Variants in STXBP3 observed in about 807,000 individuals in gnomAD.
STXBP3 encodes syntaxin-binding protein 3.
Under a neutral mutation model 85.7 loss-of-function variants are expected in STXBP3, and 41 were observed. The observed-to-expected ratio is 0.48, with a 90% CI of 0.37 to 0.62. STXBP3 has a LOEUF of 0.62. STXBP3 is among the 20% of genes least tolerant of loss of function. STXBP3 has a pLI of 0.00. For synonymous variants in STXBP3, 229 were observed against 231.7 expected, an observed-to-expected ratio of 0.99 and a Z score of 0.10; for missense variants, 563 against 703.1, an observed-to-expected ratio of 0.80 and a Z score of 2.25.
intron 1 of STXBP3, among the ~76,000 whole-genome samples, chr1:108,747,110 G>GCCGCGCACCCCACTCCTCCGCTCCCGT (rs1661803619): frequency 6.8e-6 from 1 of 147,394 alleles, no homozygotes; most frequent in Non-Finnish European, 1.5e-5. Context: ...CGTGCCCTCG[G>GCCGCGCACCCCACTCCTCCGCTCCCGT]CCGCGCTCCC....
intron 18 of STXBP3, among the ~76,000 whole-genome samples, 153 bp from the exon 19 acceptor site, chr1:108,808,630 C>T (rs1321985396): frequency 6.6e-6 from 1 of 152,206 alleles, no homozygotes; most frequent in Non-Finnish European, 1.5e-5. Flanking sequence ...AATATTGCAG[C>T]ATAGGCAGAT....
chr1:108,797,683 C>T (rs1663137255), intron 15 of STXBP3, among the ~76,000 whole-genome samples: 1 of 151,940 alleles, frequency 6.6e-6, no homozygotes, highest in Admixed American at 6.6e-5. Context: ...TCTGGGATTA[C>T]AGGTGTGAGC....
intron 16 of STXBP3, 135 bp downstream of exon 16, chr1:108,798,372 G>C (rs964247645): frequency 3.1e-5 from 12 of 385,366 alleles, no homozygotes; most frequent in Non-Finnish European, 5.1e-5. Flanking sequence ...TCACAAAAAA[G>C]CCTGTATCTG....
intron 11 of STXBP3, among the ~76,000 whole-genome samples, chr1:108,784,777 A>G (rs151163086): frequency 2.4e-4 from 37 of 152,346 alleles, no homozygotes; most frequent in African/African-American, 8.2e-4. Flanking sequence ...CCTAGATACA[A>G]TGGAGGTACA....
At chr1:108,754,391 A>G (rs142543463) in intron 3 of STXBP3, among the ~76,000 whole-genome samples, 4 of 152,294 alleles carry the variant, frequency 2.6e-5, no homozygotes, top group South Asian at 4.1e-4. Flanking sequence ...CTGACCCTCA[A>G]TGTAAAAAGC....
chr1:108,781,112 T>G (rs535558645), intron 9 of STXBP3: 1 of 152,188 alleles, frequency 6.6e-6, no homozygotes, highest in African/African-American at 2.4e-5. Context: ...AGATCACTTA[T>G]AAGTCAAAGG....
At position 108,772,711 on chromosome 1, in the gene STXBP3, C is replaced by T; in HGVS notation, c.485C>T (p.Pro162Leu). 1 of 1,600,492 alleles carries T rather than the reference C, an allele frequency of 6.2e-7. No individual in the cohort carries two copies. The highest frequency in any genetic ancestry group is 8.5e-7 in the Non-Finnish European group (1 of 1,173,016). ...VPDAFYYCYS[P>L]DPGNAKGKDA... ...GATGCATTCTATTACTGTTATAGTC[C>T]AGACCCTGGTAATGCAAAGGGAAAA... The change falls in exon 7 of 19, where the codon CCA (proline) becomes CTA (leucine). Residue 162 changes from proline to leucine, a missense_variant. Coordinates refer to ENST00000370008, the MANE Select transcript of STXBP3 (RefSeq NM_007269.4).
In STXBP3 at chr1:108,771,796, A is replaced by C. The variant is rs1293628151; in HGVS notation, c.439-869A>C. On this transcript the variant is annotated intron_variant, in intron 6 of 18. Transcript: ENST00000370008. ...ATATATAAATATATGATATCTATCT[A>C]TATATATCATATATAAATATATGAT... is the stretch of plus-strand genomic sequence containing the variant. Among the ~76,000 whole-genome samples, 2 of 29,136 alleles carry C rather than the reference A, an allele frequency of 6.9e-5. 1 individual carries two copies. The highest frequency in any genetic ancestry group is 1.5e-4 in the Non-Finnish European group (2 of 13,146). 19.1% of individuals were successfully genotyped at this position (29,136 alleles called of 152,430 possible).
chr1:108,802,989 T>C (rs910919673), intron 17 of STXBP3, among the ~76,000 whole-genome samples: 1 of 152,226 alleles, frequency 6.6e-6, no homozygotes, highest in African/African-American at 2.4e-5. Flanking sequence ...TTCCACATGA[T>C]AGAAATTTAG....
intron 1 of STXBP3, among the ~76,000 whole-genome samples, chr1:108,747,122 A>ACTCTTCTCCGCTCCCGTCCGCGCTCCCCT (rs1661805695): frequency 6.6e-6 from 1 of 150,954 alleles, no homozygotes; most frequent in Admixed American, 6.6e-5. Flanking sequence ...CGCGCTCCCC[A>ACTCTTCTCCGCTCCCGTCCGCGCTCCCCT]CTCTTCTCCG....
chr1:108,801,994 G>A (rs1213553270), intron 17 of STXBP3, among the ~76,000 whole-genome samples: 1 of 151,852 alleles, frequency 6.6e-6, no homozygotes, highest in Non-Finnish European at 1.5e-5. Flanking sequence ...TTTTTTCCTG[G>A]ACTTTCTCAG....
intron 6 of STXBP3, among the ~76,000 whole-genome samples, chr1:108,765,638 A>T (rs1453089727): frequency 1.6e-5 from 2 of 128,086 alleles, no homozygotes; most frequent in African/African-American, 6.2e-5. Context: ...GCAGTGGTGC[A>T]ATCTCGTTTC....
In STXBP3 at chr1:108,758,589, G is replaced by T; in HGVS notation, c.337+1G>T. The T allele has an allele frequency of 6.8e-7, 1 of 1,470,984 alleles. No individual in the cohort carries two copies. Among genetic ancestry groups the T allele is most frequent in the Non-Finnish European group, 9.1e-7 (1 of 1,096,142 alleles). The allele number at this position is 1,470,984 out of a possible 1,614,324, so 91.1% of individuals were successfully genotyped here. Reference sequence around the variant, plus strand: ...GCAGCATATATTTACTTCACTGACTGTAAGTCTTTTAAAAAGTTATTGCTT... The same window carrying T: ...GCAGCATATATTTACTTCACTGACTTTAAGTCTTTTAAAAAGTTATTGCTT... On this transcript the variant is annotated splice_donor_variant, in intron 5 of 18. Transcript: ENST00000370008. LOFTEE classifies it high-confidence loss of function.
intron 11 of STXBP3, among the ~76,000 whole-genome samples, chr1:108,787,755 A>G (rs1327377719): frequency 6.6e-6 from 1 of 151,676 alleles, no homozygotes; most frequent in African/African-American, 2.4e-5. Context: ...TAGTTTACCA[A>G]CAGGTTTTTA....
intron 5 of STXBP3, among the ~76,000 whole-genome samples, chr1:108,759,729 C>T (rs1482078602): frequency 1.3e-5 from 2 of 152,104 alleles, no homozygotes; most frequent in Non-Finnish European, 2.9e-5. Flanking sequence ...TCAGTTTGCT[C>T]TGTTAGCAGA....
At chr1:108,747,876 A>G (rs1274552136) in intron 1 of STXBP3, among the ~76,000 whole-genome samples, 1 of 152,248 alleles carries the variant, frequency 6.6e-6, no homozygotes, top group Non-Finnish European at 1.5e-5. Context: ...CAAGATTTAC[A>G]TGGCTGACTT....
At chr1:108,756,666 TA>T in intron 3 of STXBP3, 23 bp from the exon 4 acceptor site, 1 of 1,453,064 alleles carries the variant, frequency 6.9e-7, no homozygotes. Context: ...TTTGGTTATA[TA>T]AAATGACCTT....
chr1:108,803,598 C>T (rs572232148), intron 17 of STXBP3, among the ~76,000 whole-genome samples: 66 of 152,266 alleles, frequency 4.3e-4, no homozygotes, highest in African/African-American at 1.6e-3. Flanking sequence ...AAGCAGTCCT[C>T]GTGTCTCAGC....
At chr1:108,795,622 G>C (rs943687833) in intron 13 of STXBP3, among the ~76,000 whole-genome samples, 10 of 151,736 alleles carry the variant, frequency 6.6e-5, no homozygotes, top group African/African-American at 2.2e-4. Context: ...CTGGTGTTTT[G>C]TACCTACAGC....
Sources: allele counts gnomAD v4.1 joint callset (sites outside exome capture counted in the v4.1 genomes callset), GRCh38; gene constraint gnomAD v4.1.1; transcripts MANE v1.5; gene names NCBI Gene and HGNC (gene_info 2026-07-23, HGNC 2026-07-21).